The following PLEKHA7 variants were observed in gnomAD, a reference collection of about 807,000 sequenced individuals.
PLEKHA7 encodes the protein pleckstrin homology domain containing A7.
In PLEKHA7, 104 loss-of-function variants were observed where a neutral mutation model predicts 170.0. That is an observed-to-expected ratio of 0.61 (90% CI 0.52 to 0.72). The LOEUF (loss-of-function observed/expected upper bound fraction) is 0.72, where lower values mean the gene tolerates loss of function less well. Ranked by LOEUF, PLEKHA7 falls within the 30% of genes least tolerant of loss-of-function variation. PLEKHA7 has a pLI of 0.00. For synonymous variants in PLEKHA7, 648 were observed against 660.8 expected, an observed-to-expected ratio of 0.98 and a Z score of 0.30; for missense variants, 1,615 against 1,671.7, an observed-to-expected ratio of 0.97 and a Z score of 0.59.
chr11:16,947,659 T>C (rs1185859785), intron 3 of PLEKHA7, among the ~76,000 whole-genome samples: 1 of 150,586 alleles, frequency 6.6e-6, no homozygotes, highest in Non-Finnish European at 1.5e-5. Flanking sequence ...CTCACACTTG[T>C]AATCCCAGCA....
intron 9 of PLEKHA7, among the ~76,000 whole-genome samples, 197 bp from the exon 10 acceptor site, chr11:16,826,787 G>A (rs764658439): frequency 6.6e-6 from 1 of 152,196 alleles, no homozygotes; most frequent in Non-Finnish European, 1.5e-5. Context: ...CCTCCAGGAA[G>A]CCACCCTGAC....
At chr11:16,872,640 CT>C (rs1418550115) in intron 3 of PLEKHA7, among the ~76,000 whole-genome samples, 4 of 152,142 alleles carry the variant, frequency 2.6e-5, no homozygotes, top group African/African-American at 9.7e-5. Flanking sequence ...CCACCTCAGC[CT>C]CCGGAGTGGC....
chr11:16,952,406 TG>T (rs1861461168), intron 3 of PLEKHA7, among the ~76,000 whole-genome samples: 5 of 152,088 alleles, frequency 3.3e-5, no homozygotes, highest in Admixed American at 2.0e-4. Context: ...ATAGAGTGCT[TG>T]GGGCCCAGAA....
chr11:17,011,571 C>A (rs4351794), intron 3 of PLEKHA7, among the ~76,000 whole-genome samples: 95,487 of 151,878 alleles, frequency 0.63, 30,720 homozygotes, highest in East Asian at 0.96. Context: ...GCTTCTGTGA[C>A]CATGCATTCT....
intron 3 of PLEKHA7, among the ~76,000 whole-genome samples, chr11:16,902,914 A>G (rs1296582357): frequency 6.6e-6 from 1 of 152,212 alleles, no homozygotes; most frequent in African/African-American, 2.4e-5. Flanking sequence ...ACACTTTACA[A>G]TCCATAAATG....
At chr11:16,828,540 C>T (rs1850845987) in intron 9 of PLEKHA7, among the ~76,000 whole-genome samples, 1 of 152,164 alleles carries the variant, frequency 6.6e-6, no homozygotes, top group African/African-American at 2.4e-5. Flanking sequence ...AAGCATTCTT[C>T]TCGCTGTTCA....
intron 4 of PLEKHA7, 119 bp from the exon 5 acceptor site, chr11:16,856,033 T>C: frequency 1.3e-6 from 1 of 791,180 alleles, no homozygotes; most frequent in South Asian, 1.7e-5. Context: ...ACCCTGATTG[T>C]TTGGAGGCTG....
In PLEKHA7 at chr11:16,931,633, G is replaced by A. The variant is rs573325983; in HGVS notation, c.222-60451C>T. 1.5e-3 allele frequency among the ~76,000 whole-genome samples: 229 copies of A among 151,812 alleles called. 1 individual carries two copies. Among genetic ancestry groups the A allele is most frequent in the Non-Finnish European group, 2.4e-3 (161 of 67,956 alleles). ...AAAAAACTTAGCTGGGCATGGTGGC[G>A]CGCCTGTAATCCCAGCTACTTGGGA... On this transcript the variant is annotated intron_variant, in intron 3 of 26. Coordinates refer to ENST00000531066, the MANE Select transcript of PLEKHA7 (RefSeq NM_001329630.2).
intron 9 of PLEKHA7, among the ~76,000 whole-genome samples, chr11:16,827,368 AGAG>A (rs1850738497): frequency 6.6e-6 from 1 of 152,236 alleles, no homozygotes; most frequent in African/African-American, 2.4e-5. Flanking sequence ...ACTGACTCAC[AGAG>A]AAGATCGATT....
At chr11:16,915,512 C>T (rs374589598) in intron 3 of PLEKHA7, among the ~76,000 whole-genome samples, 1 of 112,510 alleles carries the variant, frequency 8.9e-6, no homozygotes, top group East Asian at 3.3e-4. Context: ...TCCCTCCCCC[C>T]TCCCCCCACC....
intron 8 of PLEKHA7, among the ~76,000 whole-genome samples, chr11:16,844,701 G>A (rs1008889461): frequency 1.3e-5 from 2 of 152,224 alleles, no homozygotes; most frequent in South Asian, 4.1e-4. Flanking sequence ...CTAGGATATG[G>A]TTGGTCTCCT....
intron 3 of PLEKHA7, among the ~76,000 whole-genome samples, chr11:16,952,928 A>AT (rs1398181457): frequency 3.3e-5 from 5 of 152,260 alleles, no homozygotes; most frequent in Non-Finnish European, 7.3e-5. Context: ...AATTTAAAAA[A>AT]TTTTTAATTT....
At chr11:16,894,732 G>C (rs1287595300) in intron 3 of PLEKHA7, among the ~76,000 whole-genome samples, 1 of 152,104 alleles carries the variant, frequency 6.6e-6, no homozygotes, top group East Asian at 1.9e-4. Context: ...CCCTAACAGA[G>C]AGCCCGCCAT....
chr11:16,952,353 C>G (rs1861456953), intron 3 of PLEKHA7, among the ~76,000 whole-genome samples: 1 of 152,120 alleles, frequency 6.6e-6, no homozygotes, highest in Non-Finnish European at 1.5e-5. Context: ...CTCAAGCAGC[C>G]ATATTAAGCT....
chr11:16,917,588 A>G (rs954348652), intron 3 of PLEKHA7, among the ~76,000 whole-genome samples: 1 of 151,996 alleles, frequency 6.6e-6, no homozygotes, highest in South Asian at 2.1e-4. Flanking sequence ...TACCCTCCTC[A>G]TATTTCCTTC....
In PLEKHA7 at chr11:16,803,169, A is replaced by G; in HGVS notation, c.2076+58T>C. On this transcript the variant is annotated intron_variant, in intron 14 of 26. Transcript: ENST00000531066. Reference sequence around the variant, plus strand: ...ATCCAAGCCCTGCCTGAAGCTGTTCACCCGGGGTCTGGGTCAGGAGGCAGC... The same window carrying G: ...ATCCAAGCCCTGCCTGAAGCTGTTCGCCCGGGGTCTGGGTCAGGAGGCAGC... 13 of 1,574,952 alleles carry G rather than the reference A, an allele frequency of 8.3e-6. No individual in the cohort carries two copies. The South Asian group carries it at 1.4e-4, about 17-fold the overall frequency.
intron 3 of PLEKHA7, among the ~76,000 whole-genome samples, chr11:16,934,638 A>G (rs939291299): frequency 6.6e-6 from 1 of 152,146 alleles, no homozygotes; most frequent in African/African-American, 2.4e-5. Context: ...TTATATTCCT[A>G]TTGATCCTGA....
intron 3 of PLEKHA7, among the ~76,000 whole-genome samples, chr11:16,938,280 G>A (rs1860447510): frequency 6.6e-6 from 1 of 152,134 alleles, no homozygotes; most frequent in African/African-American, 2.4e-5. Flanking sequence ...AGCAGGGAAA[G>A]ACACGTGGCT....
At chr11:16,902,503 C>T (rs1040675343) in intron 3 of PLEKHA7, among the ~76,000 whole-genome samples, 1 of 152,192 alleles carries the variant, frequency 6.6e-6, no homozygotes, top group African/African-American at 2.4e-5. Context: ...ACCAGCACTT[C>T]TAAAGTATCT....
Sources: gnomAD v4.1 joint callset for allele counts (sites outside exome capture counted in the v4.1 genomes callset) on GRCh38, gnomAD v4.1.1 for gene constraint, MANE v1.5 for transcripts, NCBI Gene and HGNC (gene_info 2026-07-23, HGNC 2026-07-21) for gene names.